The following RNF130 variants were observed in gnomAD, a reference collection of about 807,000 sequenced individuals.
The protein encoded by RNF130 is ring finger protein 130, also known as E3 ubiquitin-protein ligase RNF130.
RNF130 carries 21 observed loss-of-function variants against 44.6 expected under a neutral mutation model. The ratio of observed to expected loss-of-function variants is 0.47; its 90% confidence interval spans 0.33 to 0.68. The LOEUF is 0.68. Among genes scored for constraint, RNF130 ranks in the 30% least tolerant of loss-of-function variants. The probability of loss-of-function intolerance (pLI) is 0.02; values close to 1 mark genes in which losing one functional copy is unlikely to be tolerated. For synonymous variants in RNF130, 214 were observed against 210.4 expected (o/e 1.02, Z -0.15); for missense variants, 479 against 560.6 (o/e 0.85, Z 1.47).
In RNF130 at chr5:180,067,967, G is replaced by C. The variant is rs548034909; in HGVS notation, c.247+3489C>G. On this transcript the variant is annotated intron_variant, in intron 1 of 8. Coordinates refer to ENST00000521389, the MANE Select transcript of RNF130 (RefSeq NM_018434.6). ...TACATTTTTAAACATGAAAACCTAA[G>C]ATTCACTTTTTTGAGTTTTATTGTA... Among the ~76,000 whole-genome samples, 19 of 152,324 alleles carry C rather than the reference G, an allele frequency of 1.2e-4. No individual in the cohort carries two copies. The South Asian group carries it at 3.9e-3, about 32-fold the overall frequency.
At chr5:180,047,335 T>C (rs1259398588) in intron 1 of RNF130, among the ~76,000 whole-genome samples, 2 of 152,248 alleles carry the variant, frequency 1.3e-5, no homozygotes, top group African/African-American at 4.8e-5. Flanking sequence ...GGAGCTTTCA[T>C]TCTCTTTATC....
intron 2 of RNF130, among the ~76,000 whole-genome samples, chr5:180,015,056 A>G (rs1320011404): frequency 6.6e-6 from 1 of 152,250 alleles, no homozygotes. Flanking sequence ...ATACCTTTTT[A>G]CTACCTTACT....
At chr5:180,035,385 T>A in intron 2 of RNF130, among the ~76,000 whole-genome samples, 1 of 152,236 alleles carries the variant, frequency 6.6e-6, no homozygotes, top group East Asian at 1.9e-4. Flanking sequence ...AATTTCAGTC[T>A]TTGAAAATAT....
intron 7 of RNF130, among the ~76,000 whole-genome samples, chr5:179,940,286 T>A (rs369064191): frequency 1.3e-5 from 2 of 151,826 alleles, no homozygotes; most frequent in African/African-American, 2.4e-5. Flanking sequence ...TGGGGTGCGA[T>A]CTCGGCTCAC....
At chr5:179,966,615 A>G (rs1454022277) in intron 7 of RNF130, among the ~76,000 whole-genome samples, 191 bp downstream of exon 7, 1 of 152,228 alleles carries the variant, frequency 6.6e-6, no homozygotes, top group Non-Finnish European at 1.5e-5. Flanking sequence ...TTAATTATAC[A>G]CAAACACACC....
At chr5:180,005,674 C>A (rs1763449318) in intron 3 of RNF130, among the ~76,000 whole-genome samples, 1 of 152,166 alleles carries the variant, frequency 6.6e-6, no homozygotes, top group Non-Finnish European at 1.5e-5. Flanking sequence ...CTTAATTCAT[C>A]CTTTAAAATT....
intron 1 of RNF130, 99 bp from the exon 2 acceptor site, chr5:180,040,746 C>T: frequency 9.1e-7 from 1 of 1,096,542 alleles, no homozygotes; most frequent in Non-Finnish European, 1.3e-6. Context: ...AGAGCTAAAG[C>T]ACGTGAAGCA....
At chr5:179,978,019 C>T (rs999872342) in intron 5 of RNF130, among the ~76,000 whole-genome samples, 184 bp downstream of exon 5, 5 of 152,362 alleles carry the variant, frequency 3.3e-5, no homozygotes. Context: ...GTGCAGCCCG[C>T]ACCTGCTGAA....
chr5:179,939,340 C>T (rs1436439043), intron 7 of RNF130: 1 of 157,768 alleles, frequency 6.3e-6, no homozygotes, highest in Non-Finnish European at 1.4e-5. Context: ...CAAATAGGGG[C>T]TCTGTGAGTT....
At chr5:180,012,579 T>A (rs1387057720) in intron 3 of RNF130, among the ~76,000 whole-genome samples, 2 of 152,162 alleles carry the variant, frequency 1.3e-5, no homozygotes, top group Non-Finnish European at 2.9e-5. Flanking sequence ...CTTCCCCCAC[T>A]CACCCTTACC....
intron 2 of RNF130, among the ~76,000 whole-genome samples, chr5:180,023,459 G>A (rs1359182293): frequency 2.0e-5 from 3 of 151,980 alleles, no homozygotes; most frequent in Non-Finnish European, 4.4e-5. Context: ...ATGCTCAAGG[G>A]GCAGAAAATA....
At chr5:179,926,992 C>T (rs777406859) in intron 7 of RNF130, among the ~76,000 whole-genome samples, 1 of 152,210 alleles carries the variant, frequency 6.6e-6, no homozygotes, top group Non-Finnish European at 1.5e-5. Context: ...GACTGTTGGT[C>T]ACGGAAGTCT....
At chr5:179,988,042 G>T (rs909713955) in intron 3 of RNF130, among the ~76,000 whole-genome samples, 6 of 152,202 alleles carry the variant, frequency 3.9e-5, no homozygotes, top group African/African-American at 7.2e-5. Flanking sequence ...AAGAACTGAC[G>T]TTAATTCTCC....
intron 2 of RNF130, among the ~76,000 whole-genome samples, chr5:180,031,610 T>C (rs1369160943): frequency 6.6e-6 from 1 of 152,250 alleles, no homozygotes; most frequent in Non-Finnish European, 1.5e-5. Flanking sequence ...CTAAACTATA[T>C]TCAATTTTAT....
intron 3 of RNF130, among the ~76,000 whole-genome samples, chr5:179,989,207 T>C (rs1763021799): frequency 6.6e-6 from 1 of 152,144 alleles, no homozygotes; most frequent in Non-Finnish European, 1.5e-5. Flanking sequence ...TCACTCTCTA[T>C]CACGAGAACA....
intron 7 of RNF130, among the ~76,000 whole-genome samples, chr5:179,937,904 C>CTGTGTGTGTGTGTG (rs757837790): frequency 2.5e-5 from 3 of 119,462 alleles, no homozygotes; most frequent in Middle Eastern, 4.4e-3. Flanking sequence ...TTCAATGAAT[C>CTGTGTGTGTGTGTG]TGTGTGTGTG....
intron 8 of RNF130, among the ~76,000 whole-genome samples, chr5:179,959,817 T>C (rs545554960): frequency 5.3e-5 from 8 of 152,358 alleles, no homozygotes; most frequent in African/African-American, 1.9e-4. Context: ...TCTCCGGTCA[T>C]GCCACTGGAT....
chr5:179,920,340 T>C (rs1046535188), exon 8 of RNF130: 1 of 702,230 alleles, frequency 1.4e-6, no homozygotes, highest in African/African-American at 1.7e-5. Flanking sequence ...TCATCATACA[T>C]GTCCAAAGAA....
At chr5:179,988,755 T>C (rs1485320799) in intron 3 of RNF130, among the ~76,000 whole-genome samples, 3 of 152,228 alleles carry the variant, frequency 2.0e-5, no homozygotes, top group Admixed American at 2.0e-4. Flanking sequence ...AGATGCATGA[T>C]ATGATTTCTA....
Sources: allele counts gnomAD v4.1 joint callset (sites outside exome capture counted in the v4.1 genomes callset), GRCh38; gene constraint gnomAD v4.1.1; transcripts MANE v1.5; gene names NCBI Gene and HGNC (gene_info 2026-07-23, HGNC 2026-07-21).